The following CCDC141 variants were observed in gnomAD, a reference collection of about 807,000 sequenced individuals.
CCDC141 encodes the protein coiled-coil domain-containing protein 141.
A neutral mutation model predicts 181.0 loss-of-function variants in CCDC141; 168 were observed. The ratio of observed to expected loss-of-function variants is 0.93; its 90% CI spans 0.82 to 1.05. The LOEUF is 1.05. Among genes scored for constraint, CCDC141 ranks in the 50% least tolerant of loss-of-function variants. The pLI is 0.00. For synonymous variants in CCDC141, 666 were observed against 642.3 expected, an observed-to-expected ratio of 1.04 and a Z score of -0.56; for missense variants, 1,902 against 1,788.5, an observed-to-expected ratio of 1.06 and a Z score of -1.14.
intron 17 of CCDC141, among the ~76,000 whole-genome samples, chr2:178,863,920 C>T (rs78169897): frequency 0.011 from 1,674 of 152,304 alleles, 14 homozygotes; most frequent in Middle Eastern, 0.027. Context: ...TGGGGCGTAC[C>T]TACTATTGAC....
Position 178,865,972 on chromosome 2 carries a change from G to A in CCDC141, c.2575-56C>T, listed in dbSNP as rs531969541. The A allele has an allele frequency of 2.3e-6, 3 of 1,298,504 alleles. No homozygotes were observed. The African/African-American group carries it at 4.5e-5, about 20-fold the overall frequency. The allele number at this position is 1,298,504 out of a possible 1,614,324, so 80.4% of individuals were successfully genotyped here. On this transcript the variant is annotated intron_variant, in intron 16 of 23. Transcript: ENST00000443758. ...AAAGGACGAAACAGCAATAAGACGAGTAGGCTATTTACCTGAATTATGAAA... is the reference window on the plus strand; with the variant it reads ...AAAGGACGAAACAGCAATAAGACGAATAGGCTATTTACCTGAATTATGAAA...
chr2:178,935,170 C>T (rs1218989705), intron 6 of CCDC141, among the ~76,000 whole-genome samples: 1 of 151,880 alleles, frequency 6.6e-6, no homozygotes, highest in Non-Finnish European at 1.5e-5. Context: ...AGGTTTGTTA[C>T]ATAGGTAAAC....
chr2:178,974,997 T>C (rs186527444), intron 4 of CCDC141, 60 bp downstream of exon 4: 2 of 780,934 alleles, frequency 2.6e-6, no homozygotes, highest in African/African-American at 1.7e-5. Context: ...ATAAGCATTC[T>C]CACATTAACA....
chr2:178,870,177 A>C (rs901148254), intron 14 of CCDC141, among the ~76,000 whole-genome samples: 7 of 149,588 alleles, frequency 4.7e-5, no homozygotes, highest in African/African-American at 1.5e-4. Flanking sequence ...GGCTGCAGCA[A>C]GATAAAATTG....
intron 2 of CCDC141, among the ~76,000 whole-genome samples, chr2:179,025,142 A>G (rs1285231220): frequency 6.6e-6 from 1 of 151,666 alleles, no homozygotes; most frequent in Non-Finnish European, 1.5e-5. Context: ...GATCAGGGAT[A>G]CATGTGCAGG....
chr2:179,037,210 C>T (rs2043169029), intron 2 of CCDC141, among the ~76,000 whole-genome samples: 1 of 152,188 alleles, frequency 6.6e-6, no homozygotes, highest in African/African-American at 2.4e-5. Flanking sequence ...TCTCACCAGT[C>T]AGGTGACACA....
In CCDC141 at chr2:178,888,683, C is replaced by T; in HGVS notation, c.1266-15G>A. 1 of 1,550,198 alleles carries T rather than the reference C, an allele frequency of 6.5e-7. No homozygotes were observed. Among genetic ancestry groups the T allele is most frequent in the East Asian group, 2.4e-5 (1 of 40,916 alleles). On this transcript the variant is annotated splice_polypyrimidine_tract_variant and intron_variant, in intron 8 of 23. Transcript: ENST00000443758. The stretch of plus-strand genomic sequence containing the variant: ...ACACCTGAGAGCTGAACAGAGCAAG[C>T]CAGCTGTTAATTCACTCCACCCCAA...
chr2:178,851,286 T>C (rs1483279593), intron 20 of CCDC141, among the ~76,000 whole-genome samples: 2 of 151,826 alleles, frequency 1.3e-5, no homozygotes, highest in Admixed American at 6.6e-5. Context: ...CAGAACTATC[T>C]GACTCTACAC....
intron 4 of CCDC141, among the ~76,000 whole-genome samples, chr2:178,969,104 CAAAAAAAAAAAAA>C (rs55999054): frequency 0.017 from 862 of 51,236 alleles, 26 homozygotes; most frequent in African/African-American, 0.063. Context: ...GCTTACCAAC[CAAAAAAAAAAAAA>C]AAAAAAAAAA....
intron 8 of CCDC141, among the ~76,000 whole-genome samples, chr2:178,897,031 G>T (rs2154371881): frequency 6.6e-6 from 1 of 151,296 alleles, no homozygotes; most frequent in South Asian, 2.1e-4. Context: ...TGCTCTGCCT[G>T]TTCCACTCAT....
intron 6 of CCDC141, among the ~76,000 whole-genome samples, chr2:178,928,882 T>G (rs1050772325): frequency 1.3e-5 from 2 of 152,230 alleles, no homozygotes; most frequent in Non-Finnish European, 2.9e-5. Context: ...CCCATCATTA[T>G]GTGGACATTC....
chr2:178,843,537 A>G (rs770724725), intron 22 of CCDC141, among the ~76,000 whole-genome samples: 2 of 152,180 alleles, frequency 1.3e-5, no homozygotes, highest in African/African-American at 2.4e-5. Context: ...CATTTAGTGA[A>G]TTGCCTAATT....
At chr2:178,818,913 T>A in the CCDC141 span, among the ~76,000 whole-genome samples, 1 of 152,074 alleles carries the variant, frequency 6.6e-6, no homozygotes, top group African/African-American at 2.4e-5. Context: ...AAAGCATTTG[T>A]AAAGGCGACT....
chr2:178,889,114 G>T (rs1377068761), intron 8 of CCDC141, among the ~76,000 whole-genome samples: 7 of 151,928 alleles, frequency 4.6e-5, no homozygotes, highest in South Asian at 4.2e-4. Context: ...TAACACTAAG[G>T]TCCTTGTTCT....
chr2:178,826,617 T>C (rs1684129150), downstream of CCDC141, among the ~76,000 whole-genome samples: 1 of 152,164 alleles, frequency 6.6e-6, no homozygotes, highest in African/African-American at 2.4e-5. Flanking sequence ...GATAAAGGGC[T>C]TTTCAGGTTT....
At chr2:178,820,625 G>A in the CCDC141 span, among the ~76,000 whole-genome samples, 1 of 152,082 alleles carries the variant, frequency 6.6e-6, no homozygotes, top group African/African-American at 2.4e-5. Context: ...CTGAGAATGA[G>A]ATCTAAAGTT....
At chr2:179,018,942 T>C (rs951719357) in intron 2 of CCDC141, among the ~76,000 whole-genome samples, 1 of 152,194 alleles carries the variant, frequency 6.6e-6, no homozygotes, top group South Asian at 2.1e-4. Context: ...TTTCAGATAA[T>C]TCTTTAAAAG....
chr2:178,954,968 T>C (rs1190207319), intron 5 of CCDC141, among the ~76,000 whole-genome samples: 1 of 152,154 alleles, frequency 6.6e-6, no homozygotes, highest in African/African-American at 2.4e-5. Context: ...TCTTCACCAC[T>C]GTACCATCAA....
intron 4 of CCDC141, among the ~76,000 whole-genome samples, chr2:178,967,016 A>C (rs551682020): frequency 2.2e-4 from 33 of 152,140 alleles, no homozygotes; most frequent in African/African-American, 7.9e-4. Flanking sequence ...ATTGAAGACC[A>C]ACTTAATGAA....
Sources: gnomAD v4.1 joint callset for allele counts (sites outside exome capture counted in the v4.1 genomes callset) on GRCh38, gnomAD v4.1.1 for gene constraint, MANE v1.5 for transcripts, NCBI Gene and HGNC (gene_info 2026-07-23, HGNC 2026-07-21) for gene names.